Variants in ADAM10 observed in about 807,000 individuals in gnomAD.
ADAM10 encodes ADAM metallopeptidase domain 10.
A neutral mutation model predicts 90.1 loss-of-function variants in ADAM10; 17 were observed. The observed-to-expected ratio is 0.19, with a 90% CI of 0.13 to 0.28. The LOEUF (loss-of-function observed/expected upper bound fraction) is 0.28, where lower values mean the gene tolerates loss of function less well. ADAM10 is among the 10% of genes least tolerant of loss of function. The pLI is 1.00. For missense variants in ADAM10, 610 were observed against 914.3 expected (o/e 0.67, Z 4.29); for synonymous variants, 310 against 298.6 (o/e 1.04, Z -0.40).
chr15:58,677,687 A>G (rs1306404507), intron 4 of ADAM10, among the ~76,000 whole-genome samples: 1 of 152,192 alleles, frequency 6.6e-6, no homozygotes, highest in Non-Finnish European at 1.5e-5. Flanking sequence ...TTACAATATG[A>G]TAGAAAGGAA....
At chr15:58,624,725 G>T (rs1463287245) in intron 10 of ADAM10, among the ~76,000 whole-genome samples, 2 of 152,250 alleles carry the variant, frequency 1.3e-5, no homozygotes, top group East Asian at 1.9e-4. Flanking sequence ...TAGAGACAGG[G>T]TTTCGCTACA....
chr15:58,619,728 G>A (rs560357278), intron 11 of ADAM10, among the ~76,000 whole-genome samples: 11 of 151,908 alleles, frequency 7.2e-5, no homozygotes, highest in African/African-American at 2.7e-4. Context: ...CAAGGTGAAA[G>A]CCCATCTCTA....
chr15:58,737,195 C>G (rs1056033393), intron 1 of ADAM10, among the ~76,000 whole-genome samples: 3 of 152,056 alleles, frequency 2.0e-5, no homozygotes, highest in Non-Finnish European at 4.4e-5. Context: ...TTTTCCTAAT[C>G]ACAGAAGTGC....
intron 5 of ADAM10, among the ~76,000 whole-genome samples, chr15:58,652,394 A>G (rs1596030565): frequency 6.6e-6 from 1 of 152,128 alleles, no homozygotes. Flanking sequence ...TTAAGTCTTA[A>G]TTCATTTTGA....
At chr15:58,658,874 C>T (rs1452534155) in intron 5 of ADAM10, among the ~76,000 whole-genome samples, 6 of 152,088 alleles carry the variant, frequency 3.9e-5, no homozygotes, top group Non-Finnish European at 7.4e-5. Context: ...TCTAGGTATA[C>T]TCTTGTATTA....
At chr15:58,709,313 T>A (rs745997128) in intron 2 of ADAM10, among the ~76,000 whole-genome samples, 1 of 152,134 alleles carries the variant, frequency 6.6e-6, no homozygotes, top group East Asian at 1.9e-4. Context: ...AAGATCCAAC[T>A]GAACATGAAA....
At chr15:58,640,425 T>C (rs764682587) in intron 8 of ADAM10, among the ~76,000 whole-genome samples, 24 of 152,128 alleles carry the variant, frequency 1.6e-4, no homozygotes, top group Non-Finnish European at 2.6e-4. Flanking sequence ...AGTACCCTAT[T>C]TTGGAGGGGA....
chr15:58,630,123 T>C (rs1352766034), intron 9 of ADAM10, among the ~76,000 whole-genome samples: 1 of 152,174 alleles, frequency 6.6e-6, no homozygotes, highest in Non-Finnish European at 1.5e-5. Flanking sequence ...CAGTATAAAA[T>C]GAGCACTGCA....
chr15:58,600,224 C>T (rs1398539731), intron 14 of ADAM10, among the ~76,000 whole-genome samples: 5 of 152,150 alleles, frequency 3.3e-5, no homozygotes, highest in African/African-American at 1.2e-4. Flanking sequence ...CACTTATGAA[C>T]TACAAAAGGA....
chr15:58,632,361 A>G (rs1280321834), intron 9 of ADAM10, among the ~76,000 whole-genome samples: 1 of 152,242 alleles, frequency 6.6e-6, no homozygotes, highest in Non-Finnish European at 1.5e-5. Flanking sequence ...TCCTTTAAAT[A>G]CCTTAGCAAA....
At chr15:58,651,331 C>T (rs1896682384) in intron 5 of ADAM10, among the ~76,000 whole-genome samples, 1 of 152,056 alleles carries the variant, frequency 6.6e-6, no homozygotes, top group South Asian at 2.1e-4. Flanking sequence ...GCTGTGCTTT[C>T]AAATACTAGG....
intron 6 of ADAM10, among the ~76,000 whole-genome samples, chr15:58,644,574 A>T (rs1424445424): frequency 6.6e-6 from 1 of 152,056 alleles, no homozygotes; most frequent in African/African-American, 2.4e-5. Context: ...TTGTTTCCTC[A>T]ATCCAATCCT....
rs1381352677 is a variant in ADAM10 at position 58,592,804 on chromosome 15, T to C, written c.*4743A>G. 2 of 150,690 alleles carry C rather than the reference T, an allele frequency of 1.3e-5. No homozygotes were observed. The highest frequency in any genetic ancestry group is 2.4e-5 in the African/African-American group (1 of 41,236). 9.3% of individuals were successfully genotyped at this position (150,690 alleles called of 1,614,324 possible). A position where few individuals can be genotyped will look rare whatever the true frequency, so the allele number is the denominator to read the frequency against. On this transcript the variant is annotated 3_prime_UTR_variant, in exon 16 of 16. Transcript: ENST00000260408. ...GTGGTAGTATAACTTGGTACATCTA[T>C]CTGGGAGACAGTACCATAATTTTTA...
At chr15:58,716,266 T>C (rs979697197) in intron 2 of ADAM10, among the ~76,000 whole-genome samples, 6 of 152,176 alleles carry the variant, frequency 3.9e-5, no homozygotes, top group African/African-American at 9.7e-5. Context: ...TAATGGATAA[T>C]ACCAAATAGT....
chr15:58,600,396 CTT>C lies in ADAM10; in HGVS notation c.2026-674_2026-673del, dbSNP rs1214228242. Among the ~76,000 whole-genome samples, 3 of 152,154 alleles carry C rather than the reference CTT, an allele frequency of 2.0e-5. No individual in the cohort carries two copies. The East Asian group carries it at 5.8e-4, about 29-fold the overall frequency. ...CAAAGTTAAGACTGAAATTCTATCTCTTTGAGACACCCTTTTCCTCTTTTATT... is the reference window on the plus strand; with the variant it reads ...CAAAGTTAAGACTGAAATTCTATCTCTGAGACACCCTTTTCCTCTTTTATT... On this transcript the variant is annotated intron_variant, in intron 14 of 15. Coordinates refer to ENST00000260408, the MANE Select transcript of ADAM10 (RefSeq NM_001110.4).
chr15:58,689,740 T>C (rs190027198), intron 2 of ADAM10, among the ~76,000 whole-genome samples: 113 of 152,114 alleles, frequency 7.4e-4, no homozygotes, highest in African/African-American at 2.6e-3. Context: ...GTACAAATTA[T>C]GAAAACTATC....
At chr15:58,615,966 C>T (rs1446348442) in intron 11 of ADAM10, among the ~76,000 whole-genome samples, 1 of 152,044 alleles carries the variant, frequency 6.6e-6, no homozygotes, top group Non-Finnish European at 1.5e-5. Context: ...CGAGATCATG[C>T]CACTGCACTC....
Position 58,717,745 on chromosome 15 carries a change from C to T in ADAM10, c.56-18G>A, listed in dbSNP as rs941771903. On this transcript the variant is annotated intron_variant, in intron 1 of 15. Transcript: ENST00000260408. Reference sequence around the variant, plus strand: ...ATACTGACCTATAAAAAAAAAACAACATTCTGAATTAGTATCATCTTGAAG... The same window carrying T: ...ATACTGACCTATAAAAAAAAAACAATATTCTGAATTAGTATCATCTTGAAG... 6.2e-7 allele frequency: 1 copy of T among 1,605,562 alleles called. No individual in the cohort carries two copies. Among genetic ancestry groups the T allele is most frequent in the African/African-American group, 1.3e-5 (1 of 74,838 alleles).
Position 58,655,711 on chromosome 15 carries a change from G to GTGTGTATATATATATATATATATATA in ADAM10, c.585+9385_585+9386insTATATATATATATATATATATACACA, listed in dbSNP as rs1212041296. Among the ~76,000 whole-genome samples the GTGTGTATATATATATATATATATATA allele has an allele frequency of 5.6e-5, 3 of 53,734 alleles. 1 individual carries two copies. Among genetic ancestry groups the GTGTGTATATATATATATATATATATA allele is most frequent in the Non-Finnish European group, 9.7e-5 (3 of 30,972 alleles). 35.3% of individuals were successfully genotyped at this position (53,734 alleles called of 152,430 possible). A position where few individuals can be genotyped will look rare whatever the true frequency, so the allele number is the denominator to read the frequency against. On this transcript the variant is annotated intron_variant, in intron 5 of 15. Coordinates refer to ENST00000260408, the MANE Select transcript of ADAM10 (RefSeq NM_001110.4). ...ATTATATATAGTATATATATATATA[G>GTGTGTATATATATATATATATATATA]TATATATATATATATATATATATAT...
Sources: gnomAD v4.1 joint callset for allele counts (sites outside exome capture counted in the v4.1 genomes callset) on GRCh38, gnomAD v4.1.1 for gene constraint, MANE v1.5 for transcripts, NCBI Gene and HGNC (gene_info 2026-07-23, HGNC 2026-07-21) for gene names.